KIF6: variants seen among roughly 807,000 people sequenced by gnomAD.
KIF6 encodes kinesin family member 6.
A neutral mutation model predicts 112.7 loss-of-function variants in KIF6; 106 were observed. That is an observed-to-expected ratio of 0.94 (90% CI 0.80 to 1.11). The LOEUF (loss-of-function observed/expected upper bound fraction) is 1.11, where lower values mean the gene tolerates loss of function less well. KIF6 is among the 50% of genes least tolerant of loss of function. KIF6 has a pLI of 0.00. For missense variants in KIF6, 929 were observed against 964.0 expected, an observed-to-expected ratio of 0.96 and a Z score of 0.48; for synonymous variants, 339 against 339.9, an observed-to-expected ratio of 1.00 and a Z score of 0.03.
chr6:39,652,554 CAAA>C lies in KIF6; in HGVS notation c.252-12800_252-12798del, dbSNP rs201916522. 8.7e-3 allele frequency among the ~76,000 whole-genome samples: 1,313 copies of C among 151,234 alleles called. 12 individuals are homozygous for C. The highest frequency in any genetic ancestry group is 0.012 in the Non-Finnish European group (797 of 67,700). On this transcript the variant is annotated intron_variant, in intron 3 of 22. Transcript: ENST00000287152. Reference sequence around the variant, plus strand: ...AAAAAAAAAAACAAAACAAAACAAACAAAGAAAAACAAACAAAAAAACTTTAGT... The same window carrying C: ...AAAAAAAAAAACAAAACAAAACAAACGAAAAACAAACAAAAAAACTTTAGT...
intron 16 of KIF6, among the ~76,000 whole-genome samples, chr6:39,379,289 T>C (rs1766717166): frequency 6.6e-6 from 1 of 152,242 alleles, no homozygotes; most frequent in Non-Finnish European, 1.5e-5. Flanking sequence ...TTATGCCTTC[T>C]ACTTCTTTTA....
At chr6:39,534,138 T>C (rs569584181) in intron 13 of KIF6, among the ~76,000 whole-genome samples, 75 of 152,118 alleles carry the variant, frequency 4.9e-4, no homozygotes, top group Non-Finnish European at 7.8e-4. Context: ...AACTGGAAAC[T>C]CTAAAAAGCA....
intron 16 of KIF6, among the ~76,000 whole-genome samples, chr6:39,365,396 C>T (rs767960611): frequency 6.6e-6 from 1 of 152,166 alleles, no homozygotes; most frequent in Non-Finnish European, 1.5e-5. Flanking sequence ...CACCCACAGC[C>T]CCCCAAGTCT....
At chr6:39,444,643 T>C (rs190531264) in intron 13 of KIF6, among the ~76,000 whole-genome samples, 24 of 152,230 alleles carry the variant, frequency 1.6e-4, no homozygotes, top group Admixed American at 1.6e-3. Context: ...TACCTCCTCA[T>C]TTCCCCGAAC....
At chr6:39,468,520 C>T (rs1029494679) in intron 13 of KIF6, among the ~76,000 whole-genome samples, 12 of 152,098 alleles carry the variant, frequency 7.9e-5, no homozygotes, top group Middle Eastern at 3.4e-3. Flanking sequence ...TAAAAGCTGA[C>T]GTTTAATGAG....
At chr6:39,658,246 A>G (rs1451102218) in intron 3 of KIF6, among the ~76,000 whole-genome samples, 7 of 152,338 alleles carry the variant, frequency 4.6e-5, no homozygotes, top group South Asian at 4.1e-4. Context: ...ATACACTAAT[A>G]TAATCTGTTT....
intron 5 of KIF6, among the ~76,000 whole-genome samples, chr6:39,629,281 A>G (rs938397931): frequency 3.9e-5 from 6 of 152,140 alleles, no homozygotes; most frequent in African/African-American, 1.4e-4. Flanking sequence ...ATCATTCTGC[A>G]TTCCCATCAG....
rs528543459 is a variant in KIF6, at chr6:39,563,322, T to C, written c.1181+14734A>G. The stretch of plus-strand genomic sequence containing the variant: ...ATACTGTAAACTTTAGGCGTTTATC[T>C]TTCCAGACTTGTTTGTAAACACATA... On this transcript the variant is annotated intron_variant, in intron 10 of 22. Transcript: ENST00000287152. Among the ~76,000 whole-genome samples, 47 of 152,312 alleles carry C rather than the reference T, an allele frequency of 3.1e-4. 1 individual carries two copies. The highest frequency in any genetic ancestry group is 8.9e-4 in the African/African-American group (37 of 41,570).
chr6:39,400,112 G>A (rs1768576257), intron 15 of KIF6, among the ~76,000 whole-genome samples: 1 of 152,200 alleles, frequency 6.6e-6, no homozygotes, highest in Admixed American at 6.5e-5. Flanking sequence ...AAAGCCAGGA[G>A]GGACTTTGGC....
chr6:39,534,175 G>A lies in KIF6; in HGVS notation c.1645+5828C>T, dbSNP rs374848400. On this transcript the variant is annotated intron_variant, in intron 13 of 22. Coordinates refer to ENST00000287152, the MANE Select transcript of KIF6 (RefSeq NM_145027.6). Reference sequence around the variant, plus strand: ...AGCACCTCTCCTCCTCCAAAGGAACGCAGTTCCTCACCAGCAATGGAACAA... The same window carrying A: ...AGCACCTCTCCTCCTCCAAAGGAACACAGTTCCTCACCAGCAATGGAACAA... 5.9e-4 allele frequency among the ~76,000 whole-genome samples: 90 copies of A among 152,304 alleles called. No homozygotes were observed. The East Asian group carries it at 0.011, about 19-fold the overall frequency.
chr6:39,425,897 C>A (rs149134443), intron 14 of KIF6, among the ~76,000 whole-genome samples: 1 of 151,972 alleles, frequency 6.6e-6, no homozygotes, highest in Non-Finnish European at 1.5e-5. Context: ...TGGTGCCACA[C>A]GGTTTCTCTC....
At chr6:39,711,191 A>AT (rs1450914000) in intron 3 of KIF6, among the ~76,000 whole-genome samples, 1 of 150,270 alleles carries the variant, frequency 6.7e-6, no homozygotes, top group African/African-American at 2.4e-5. Flanking sequence ...ATAAGAATAC[A>AT]TGAAAAAAAA....
At chr6:39,434,333 G>A (rs545524723) in intron 13 of KIF6, among the ~76,000 whole-genome samples, 1 of 152,052 alleles carries the variant, frequency 6.6e-6, no homozygotes, top group South Asian at 2.1e-4. Context: ...GGAGGCTGAG[G>A]TGGGTGGATC....
At chr6:39,716,285 A>ACTAAAATGTAATTTTAGTAT (rs6149539) in intron 2 of KIF6, among the ~76,000 whole-genome samples, 130,394 of 151,888 alleles carry the variant, frequency 0.86, 56,404 homozygotes, top group East Asian at 0.97. Flanking sequence ...TTTAAATTAA[A>ACTAAAATGTAATTTTAGTAT]AATATCTATA....
intron 7 of KIF6, among the ~76,000 whole-genome samples, chr6:39,593,786 C>T (rs748744177): frequency 7.2e-5 from 11 of 152,140 alleles, no homozygotes; most frequent in Non-Finnish European, 7.4e-5. Flanking sequence ...CATTCCTCTG[C>T]GTGGTATCAG....
chr6:39,374,414 G>A (rs1187302620), intron 16 of KIF6, among the ~76,000 whole-genome samples: 1 of 152,116 alleles, frequency 6.6e-6, no homozygotes, highest in African/African-American at 2.4e-5. Flanking sequence ...CACAGCAAAG[G>A]AAACAATCAA....
intron 13 of KIF6, among the ~76,000 whole-genome samples, chr6:39,468,586 A>C (rs188113034): frequency 3.3e-5 from 5 of 152,310 alleles, no homozygotes; most frequent in African/African-American, 1.2e-4. Context: ...GATGAAGAAA[A>C]AGCTGTCAAC....
Position 39,586,322 on chromosome 6 carries a change from AAACTGTCT to A in KIF6, c.921_928del (p.Arg307SerfsTer21). The A allele has an allele frequency of 6.2e-7, 1 of 1,614,112 alleles. No homozygotes were observed. Among genetic ancestry groups the A allele is most frequent in the South Asian group, 1.1e-5 (1 of 91,078 alleles). ...CATAGTTGTCATGCAGTTCCCTCCC[AAACTGTCT>A]CTTAGGACACTGGTCATCATGGAGT... On this transcript the variant is annotated frameshift_variant, in exon 8 of 23. Coordinates refer to ENST00000287152, the MANE Select transcript of KIF6 (RefSeq NM_145027.6). LOFTEE classifies it high-confidence loss of function.
At chr6:39,550,419 G>T (rs1779302870) in intron 10 of KIF6, among the ~76,000 whole-genome samples, 1 of 152,222 alleles carries the variant, frequency 6.6e-6, no homozygotes, top group Admixed American at 6.5e-5. Flanking sequence ...GGAGCCTGGT[G>T]CTGTAACTGG....
Sources: allele counts gnomAD v4.1 joint callset (sites outside exome capture counted in the v4.1 genomes callset), GRCh38; gene constraint gnomAD v4.1.1; transcripts MANE v1.5; gene names NCBI Gene and HGNC (gene_info 2026-07-23, HGNC 2026-07-21).